Variants in MAF observed in about 807,000 individuals in gnomAD.
MAF encodes the protein transcription factor Maf.
MAF carries 10 observed loss-of-function variants against 22.0 expected under a neutral mutation model. The ratio of observed to expected loss-of-function variants is 0.45; its 90% CI spans 0.28 to 0.77. The LOEUF is 0.77. MAF is among the 30% of genes least tolerant of loss of function. MAF has a pLI of 0.12. For synonymous variants in MAF, 337 were observed against 255.8 expected, an observed-to-expected ratio of 1.32 and a Z score of -3.03; for missense variants, 544 against 548.4, an observed-to-expected ratio of 0.99 and a Z score of 0.08.
At chr16:79,214,425 C>CAGGCT in the MAF span, among the ~76,000 whole-genome samples, 2 of 152,246 alleles carry the variant, frequency 1.3e-5, no homozygotes, top group East Asian at 3.9e-4. Context: ...CTGTGCTAAG[C>CAGGCT]AGGCTACATT....
downstream of MAF, among the ~76,000 whole-genome samples, chr16:79,589,595 C>T (rs1348256462): frequency 6.6e-6 from 1 of 152,130 alleles, no homozygotes; most frequent in African/African-American, 2.4e-5. Flanking sequence ...TTCCTGGGGC[C>T]GCGATCGGGT....
chr16:79,580,517 T>C, the MAF span, among the ~76,000 whole-genome samples: 2 of 152,222 alleles, frequency 1.3e-5, no homozygotes, highest in Admixed American at 6.5e-5. Context: ...ACATCGAAGA[T>C]GCAGAGACAG....
At chr16:79,255,967 T>TTTTTC in the MAF span, among the ~76,000 whole-genome samples, 1 of 133,796 alleles carries the variant, frequency 7.5e-6, no homozygotes, top group Non-Finnish European at 1.5e-5. Context: ...TTTCTTTTCT[T>TTTTTC]TTTTCTTTTC....
intron 1 of MAF, among the ~76,000 whole-genome samples, chr16:79,588,481 C>T (rs1475243030): frequency 6.6e-6 from 1 of 152,026 alleles, no homozygotes; most frequent in Non-Finnish European, 1.5e-5. Flanking sequence ...TTTGCCCAGG[C>T]TTGAGTGCAG....
At chr16:79,519,282 T>C in the MAF span, among the ~76,000 whole-genome samples, 1 of 152,090 alleles carries the variant, frequency 6.6e-6, no homozygotes, top group Non-Finnish European at 1.5e-5. Flanking sequence ...CTGAAGATAA[T>C]GGAACCCCAT....
At chr16:79,309,981 C>T in the MAF span, among the ~76,000 whole-genome samples, 1 of 152,164 alleles carries the variant, frequency 6.6e-6, no homozygotes, top group African/African-American at 2.4e-5. Flanking sequence ...GTAACTTACA[C>T]CGTGGCTTAA....
chr16:79,233,002 G>C, the MAF span, among the ~76,000 whole-genome samples: 2 of 151,618 alleles, frequency 1.3e-5, no homozygotes, highest in Non-Finnish European at 2.9e-5. Context: ...CTCCATGCAC[G>C]GCTAATGTTT....
chr16:79,310,942 T>C, the MAF span, among the ~76,000 whole-genome samples: 1 of 152,150 alleles, frequency 6.6e-6, no homozygotes, highest in African/African-American at 2.4e-5. Flanking sequence ...GCTGTGCTGC[T>C]TCAGCTAACT....
At chr16:79,457,543 T>C in the MAF span, among the ~76,000 whole-genome samples, 3 of 152,168 alleles carry the variant, frequency 2.0e-5, no homozygotes, top group Non-Finnish European at 4.4e-5. Context: ...ATCTGAAATA[T>C]GCTGACAATA....
the MAF span, among the ~76,000 whole-genome samples, chr16:79,302,029 C>T: frequency 3.3e-5 from 5 of 152,346 alleles, no homozygotes; most frequent in African/African-American, 1.2e-4. Context: ...TAGGCATGAC[C>T]TAGGTCATCC....
chr16:79,222,847 C>T, the MAF span, among the ~76,000 whole-genome samples: 2 of 152,180 alleles, frequency 1.3e-5, no homozygotes, highest in Non-Finnish European at 2.9e-5. Context: ...CACCCAATAC[C>T]GGAGCACCCA....
chr16:79,253,550 C>A, the MAF span, among the ~76,000 whole-genome samples: 1 of 152,168 alleles, frequency 6.6e-6, no homozygotes, highest in African/African-American at 2.4e-5. Flanking sequence ...CCTCTCTTTT[C>A]TAAGGGCCTC....
At chr16:79,400,481 G>C in the MAF span, among the ~76,000 whole-genome samples, 1 of 152,228 alleles carries the variant, frequency 6.6e-6, no homozygotes, top group Non-Finnish European at 1.5e-5. Context: ...GCCTGGCCTG[G>C]TTAAGTACTA....
Position 79,599,795 on chromosome 16 carries a change from C to G in MAF, c.108G>C (p.Pro36=), listed in dbSNP as rs773219764. Residue 36 remains proline, a synonymous_variant, in exon 1 of 2, where the codon CCG becomes CCC. Transcript: ENST00000326043. ...GGCTGATGATGCGGTCGGTCTCCAC[C>G]GGTTCCTTTTTCACTTCAAACTTCA... ...DLMKFEVKKE[P]VETDRIISQC... The G allele has an allele frequency of 6.2e-7, 1 of 1,613,082 alleles. No homozygotes were observed. Among genetic ancestry groups the G allele is most frequent in the South Asian group, 1.1e-5 (1 of 91,068 alleles).
At chr16:79,534,607 G>A in the MAF span, among the ~76,000 whole-genome samples, 223 of 152,066 alleles carry the variant, frequency 1.5e-3, 3 homozygotes, top group African/African-American at 5.2e-3. Context: ...GGAGGGAGGA[G>A]GGATAGCGTT....
At chr16:79,590,703 T>A (rs1913143160), downstream of MAF, among the ~76,000 whole-genome samples, 1 of 151,698 alleles carries the variant, frequency 6.6e-6, no homozygotes, top group Non-Finnish European at 1.5e-5. Flanking sequence ...GGTGGGAGGT[T>A]TTGGGGGGAC....
At chr16:79,473,653 G>A in the MAF span, among the ~76,000 whole-genome samples, 5 of 152,172 alleles carry the variant, frequency 3.3e-5, no homozygotes, top group East Asian at 1.9e-4. Flanking sequence ...GAAAGGGCAC[G>A]GGGTGAGCAT....
At chr16:79,212,748 G>C in the MAF span, 6 of 150,258 alleles carry the variant, frequency 4.0e-5, no homozygotes, top group East Asian at 1.9e-4. Context: ...GAAATCTAGA[G>C]GAAAAATAAA....
chr16:79,309,752 C>T, the MAF span, among the ~76,000 whole-genome samples: 2 of 152,190 alleles, frequency 1.3e-5, no homozygotes, highest in South Asian at 4.1e-4. Flanking sequence ...ATATCTCCCT[C>T]CCAGCCAGGC....
Sources: gnomAD v4.1 joint callset for allele counts (sites outside exome capture counted in the v4.1 genomes callset) on GRCh38, gnomAD v4.1.1 for gene constraint, MANE v1.5 for transcripts, NCBI Gene and HGNC (gene_info 2026-07-23, HGNC 2026-07-21) for gene names.